FLI1: variants seen among roughly 807,000 people sequenced by gnomAD.
FLI1 encodes the protein Friend leukemia integration 1 transcription factor.
FLI1 carries 13 observed loss-of-function variants against 53.1 expected under a neutral mutation model. That is an observed-to-expected ratio of 0.24 (90% CI 0.16 to 0.39). FLI1 has a LOEUF of 0.39. FLI1 is among the 10% of genes least tolerant of loss of function. The pLI is 1.00. For missense variants in FLI1, 424 were observed against 600.5 expected (o/e 0.71, Z 3.07); for synonymous variants, 244 against 236.7 (o/e 1.03, Z -0.28).
At chr11:128,749,099 C>G (rs972694650) in intron 1 of FLI1, among the ~76,000 whole-genome samples, 1 of 152,068 alleles carries the variant, frequency 6.6e-6, no homozygotes, top group Admixed American at 6.5e-5. Context: ...ACTGTGTGAA[C>G]CTAGAAGGGT....
chr11:128,786,071 A>G (rs1219540119), intron 5 of FLI1, among the ~76,000 whole-genome samples: 1 of 152,240 alleles, frequency 6.6e-6, no homozygotes, highest in African/African-American at 2.4e-5. Flanking sequence ...AGTGCCAAAA[A>G]ATGATGCATT....
chr11:128,781,279 C>A (rs773626586), intron 4 of FLI1, among the ~76,000 whole-genome samples: 12 of 152,186 alleles, frequency 7.9e-5, no homozygotes, highest in East Asian at 1.9e-4. Context: ...TACCTGTGTA[C>A]CTTACCCTCA....
chr11:128,706,785 G>T (rs943525963), intron 1 of FLI1, among the ~76,000 whole-genome samples: 1 of 152,184 alleles, frequency 6.6e-6, no homozygotes, highest in Admixed American at 6.5e-5. Context: ...AACCACATGG[G>T]TAAGTGAGTA....
In FLI1 at chr11:128,812,011, T is replaced by C. The variant is rs944691881; in HGVS notation, c.*1023T>C. 3.4e-5 allele frequency: 7 copies of C among 205,128 alleles called. No individual in the cohort carries two copies. The highest frequency in any genetic ancestry group is 1.6e-4 in the African/African-American group (7 of 43,718). The allele number at this position is 205,128 out of a possible 1,614,324, so 12.7% of individuals were successfully genotyped here. On this transcript the variant is annotated 3_prime_UTR_variant, in exon 9 of 9. Transcript: ENST00000527786. ...TTTTTCAATCTGTACATTTGGGCTG[T>C]CTGTATGTTTTTATAGCTGGTTTTT...
intron 1 of FLI1, among the ~76,000 whole-genome samples, chr11:128,753,685 C>A (rs1204930667): frequency 1.3e-5 from 2 of 152,222 alleles, no homozygotes; most frequent in African/African-American, 4.8e-5. Flanking sequence ...GTAGCAACAG[C>A]TCCTCATGTG....
intron 5 of FLI1, among the ~76,000 whole-genome samples, chr11:128,803,561 A>G (rs1313794225): frequency 6.6e-6 from 1 of 152,114 alleles, no homozygotes; most frequent in Admixed American, 6.5e-5. Flanking sequence ...GGAACCCTTT[A>G]TGTGTCCTCC....
intron 1 of FLI1, among the ~76,000 whole-genome samples, chr11:128,697,925 A>G (rs1031047900): frequency 1.6e-4 from 24 of 152,224 alleles, no homozygotes; most frequent in African/African-American, 5.8e-4. Flanking sequence ...CTGAAGAACA[A>G]TAACGCAGGT....
At chr11:128,768,644 A>T (rs561153524) in intron 3 of FLI1, 6 of 180,386 alleles carry the variant, frequency 3.3e-5, no homozygotes, top group South Asian at 1.1e-4. Context: ...AGCCAAGATC[A>T]CACCACTGCA....
upstream of FLI1, chr11:128,692,203 C>T (rs695113): frequency 0.69 from 105,220 of 152,058 alleles, 36,517 homozygotes; most frequent in Middle Eastern, 0.82. Context: ...CTGGAAAGCA[C>T]GTGGAAACGC....
At chr11:128,696,947 A>C (rs374009349) in intron 1 of FLI1, among the ~76,000 whole-genome samples, 4 of 152,180 alleles carry the variant, frequency 2.6e-5, no homozygotes, top group African/African-American at 7.2e-5. Context: ...ACAAAATCCC[A>C]ATCTTGTTGC....
At chr11:128,718,242 A>G (rs1426437944) in intron 1 of FLI1, among the ~76,000 whole-genome samples, 3 of 152,222 alleles carry the variant, frequency 2.0e-5, no homozygotes, top group Non-Finnish European at 4.4e-5. Context: ...GGCAGCTATT[A>G]TGATTCAAAA....
intron 4 of FLI1, 77 bp downstream of exon 4, chr11:128,773,062 C>A: frequency 7.2e-7 from 1 of 1,379,342 alleles, no homozygotes; most frequent in South Asian, 1.2e-5. Context: ...GTCAGTGCTG[C>A]CCGTTCGTGT....
At chr11:128,698,708 T>TTGTGTGTGTG (rs1392799033) in intron 1 of FLI1, among the ~76,000 whole-genome samples, 12 of 79,194 alleles carry the variant, frequency 1.5e-4, no homozygotes, top group African/African-American at 5.9e-4. Context: ...GTGTATGTGT[T>TTGTGTGTGTG]TGCGTGTGTG....
chr11:128,809,144 T>C lies in FLI1; in HGVS notation c.782-13T>C. ...AAAAACACTGAAGCAAATTTCCTTTTTTATTTCCTTAGATCCGTATCAGAT... is the reference window on the plus strand; with the variant it reads ...AAAAACACTGAAGCAAATTTCCTTTCTTATTTCCTTAGATCCGTATCAGAT... On this transcript the variant is annotated splice_polypyrimidine_tract_variant and intron_variant, in intron 7 of 8. Coordinates refer to ENST00000527786, the MANE Select transcript of FLI1 (RefSeq NM_002017.5). 6.2e-7 allele frequency: 1 copy of C among 1,613,054 alleles called. No homozygotes were observed. The highest frequency in any genetic ancestry group is 8.5e-7 in the Non-Finnish European group (1 of 1,179,194).
intron 1 of FLI1, among the ~76,000 whole-genome samples, chr11:128,749,967 A>G (rs1288673643): frequency 1.3e-5 from 2 of 152,256 alleles, no homozygotes; most frequent in Non-Finnish European, 2.9e-5. Context: ...CCACTGCTGC[A>G]GAGCCTGCTG....
At chr11:128,686,893 T>G (rs529070205) in intron 1 of FLI1, 2 of 158,830 alleles carry the variant, frequency 1.3e-5, no homozygotes, top group Admixed American at 1.2e-4. Flanking sequence ...AATCCTAGGT[T>G]GAGAAGCAAC....
At chr11:128,724,474 G>A (rs1434647611) in intron 1 of FLI1, among the ~76,000 whole-genome samples, 1 of 152,196 alleles carries the variant, frequency 6.6e-6, no homozygotes, top group Admixed American at 6.5e-5. Flanking sequence ...GAAAATCAGT[G>A]CAGGTTTCCA....
At chr11:128,738,723 G>T (rs537663272) in intron 1 of FLI1, among the ~76,000 whole-genome samples, 1 of 152,208 alleles carries the variant, frequency 6.6e-6, no homozygotes, top group African/African-American at 2.4e-5. Flanking sequence ...GACTAAGAGC[G>T]CTTTGGAAAG....
chr11:128,722,606 A>T (rs1042869424), intron 1 of FLI1, among the ~76,000 whole-genome samples: 3 of 152,254 alleles, frequency 2.0e-5, no homozygotes, highest in African/African-American at 7.2e-5. Flanking sequence ...TCCACAGGAA[A>T]GTGCAACTAT....
Sources: allele counts gnomAD v4.1 joint callset (sites outside exome capture counted in the v4.1 genomes callset), GRCh38; gene constraint gnomAD v4.1.1; transcripts MANE v1.5; gene names NCBI Gene and HGNC (gene_info 2026-07-23, HGNC 2026-07-21).